The following RPTOR variants were observed in gnomAD, a reference collection of about 807,000 sequenced individuals.
RPTOR encodes regulatory associated protein of MTOR complex 1.
RPTOR carries 21 observed loss-of-function variants against 169.9 expected under a neutral mutation model. That is an observed-to-expected ratio of 0.12 (90% confidence interval 0.09 to 0.18). The LOEUF is 0.18. Among genes scored for constraint, RPTOR ranks in the 10% least tolerant of loss-of-function variants. RPTOR has a pLI of 1.00. For missense variants in RPTOR, 1,133 were observed against 1,855.9 expected, an observed-to-expected ratio of 0.61 and a Z score of 7.16; for synonymous variants, 732 against 753.2, an observed-to-expected ratio of 0.97 and a Z score of 0.46.
In RPTOR at chr17:80,823,021, C is replaced by G. The variant is rs987852154; in HGVS notation, c.992-58C>G. 13 of 1,561,222 alleles carry G rather than the reference C, an allele frequency of 8.3e-6. No individual in the cohort carries two copies. In the African/African-American group the frequency reaches 9.6e-5, roughly 12 times the overall value. ...GATAGAAGTGAATTTGTGTATTTGG[C>G]TTTAAATGCTAGACACAAGTCACTG... On this transcript the variant is annotated intron_variant, in intron 8 of 33. Transcript: ENST00000306801. This position sits in a 1 kb window ranked among gnomAD's most constrained non-coding sequence, Gnocchi z 4.5.
At position 80,907,502 on chromosome 17, in the gene RPTOR, G is replaced by C. The variant is rs145342315; in HGVS notation, c.2402-1309G>C. On this transcript the variant is annotated intron_variant, in intron 20 of 33. Transcript: ENST00000306801. The stretch of plus-strand genomic sequence containing the variant: ...CTTGCTGGACATGCAGCCTCTACCA[G>C]GATTGCTGCTTCCCTTCTCGGCCTC... Among the ~76,000 whole-genome samples the C allele has an allele frequency of 1.0e-3, 153 of 152,376 alleles. 1 individual carries two copies. Among genetic ancestry groups the C allele is most frequent in the Middle Eastern group, 3.4e-3 (1 of 294 alleles).
rs201003662 is a variant in RPTOR at position 80,678,340 on chromosome 17, C to A, written c.349-29501C>A. Among the ~76,000 whole-genome samples, 12 of 152,314 alleles carry A rather than the reference C, an allele frequency of 7.9e-5. No individual in the cohort carries two copies. In the East Asian group the frequency reaches 2.1e-3, roughly 27 times the overall value. Reference sequence around the variant, plus strand: ...CAACCACAGGTTGGGTGTGGTGGCTCATGCCTATAATCCCAGCAGTTTGGG... The same window carrying A: ...CAACCACAGGTTGGGTGTGGTGGCTAATGCCTATAATCCCAGCAGTTTGGG... On this transcript the variant is annotated intron_variant, in intron 3 of 33. Transcript: ENST00000306801.
intron 7 of RPTOR, among the ~76,000 whole-genome samples, chr17:80,821,397 G>A (rs1269958875): frequency 2.0e-5 from 3 of 152,166 alleles, no homozygotes; most frequent in East Asian, 3.8e-4. Context: ...TTTTGACAGC[G>A]GGATCATGCT....
intron 1 of RPTOR, chr17:80,593,609 A>G (rs2065123512): frequency 6.5e-6 from 1 of 153,878 alleles, no homozygotes; most frequent in Non-Finnish European, 1.5e-5. Flanking sequence ...GTGATGCTGG[A>G]TTTTCTTCCT....
Position 80,871,646 on chromosome 17 carries a change from G to T in RPTOR, c.1510-8769G>T, listed in dbSNP as rs908325176. ...TTGCCTAAACTGCTTTATGTCTGTG[G>T]TTAACTTATTCCTTCCTGCAGTTTC... On this transcript the variant is annotated intron_variant, in intron 13 of 33. Coordinates refer to ENST00000306801, the MANE Select transcript of RPTOR (RefSeq NM_020761.3). Among the ~76,000 whole-genome samples the T allele has an allele frequency of 2.0e-5, 3 of 152,142 alleles. No homozygotes were observed. In the East Asian group the frequency reaches 5.8e-4, roughly 29 times the overall value.
intron 1 of RPTOR, among the ~76,000 whole-genome samples, chr17:80,598,331 A>G (rs9891172): frequency 0.27 from 40,346 of 151,992 alleles, 5,561 homozygotes; most frequent in African/African-American, 0.36. Context: ...AATGGCTCTG[A>G]CAACTTATTT....
intron 21 of RPTOR, among the ~76,000 whole-genome samples, chr17:80,910,690 C>T (rs928381430): frequency 1.3e-5 from 2 of 152,128 alleles, no homozygotes; most frequent in Admixed American, 1.3e-4. Context: ...CCTGGCCGGC[C>T]ATCGAGCCAG....
At chr17:80,699,238 C>A (rs2066062564) in intron 3 of RPTOR, among the ~76,000 whole-genome samples, 1 of 152,242 alleles carries the variant, frequency 6.6e-6, no homozygotes, top group African/African-American at 2.4e-5. Context: ...TGTATGTGCA[C>A]AAATATTTAT....
In RPTOR at chr17:80,830,594, T is replaced by C. The variant is rs1239970138; in HGVS notation, c.1137-7328T>C. Among the ~76,000 whole-genome samples the C allele has an allele frequency of 2.0e-5, 3 of 152,180 alleles. No individual in the cohort carries two copies. The South Asian group carries it at 6.2e-4, about 31-fold the overall frequency. ...TGGGCCATCTTGCACGGGCCGCTGC[T>C]GTCCAGTGGCTTCGAAAGGAGTTTG... On this transcript the variant is annotated intron_variant, in intron 9 of 33. Transcript: ENST00000306801.
intron 6 of RPTOR, among the ~76,000 whole-genome samples, chr17:80,789,467 G>A (rs2067025745): frequency 6.6e-6 from 1 of 152,230 alleles, no homozygotes; most frequent in African/African-American, 2.4e-5. Flanking sequence ...GCAAGCAGAT[G>A]TCAAAATCTC....
intron 9 of RPTOR, among the ~76,000 whole-genome samples, chr17:80,835,658 A>T (rs927135630): frequency 2.0e-5 from 3 of 152,228 alleles, no homozygotes; most frequent in Non-Finnish European, 4.4e-5. Context: ...ACTTTGTTTC[A>T]TGCACAAAAT....
intron 1 of RPTOR, among the ~76,000 whole-genome samples, chr17:80,575,285 A>G (rs991258337): frequency 2.0e-5 from 3 of 152,236 alleles, no homozygotes; most frequent in African/African-American, 7.2e-5. Flanking sequence ...ATGAGCCACC[A>G]TGCCTGGCTG....
In RPTOR at chr17:80,845,551, C is replaced by T. The variant is rs970362429; in HGVS notation, c.1213-922C>T. 4.6e-5 allele frequency among the ~76,000 whole-genome samples: 7 copies of T among 152,074 alleles called. No individual in the cohort carries two copies. Among genetic ancestry groups the T allele is most frequent in the African/African-American group, 1.7e-4 (7 of 41,402 alleles). On this transcript the variant is annotated intron_variant, in intron 10 of 33. Coordinates refer to ENST00000306801, the MANE Select transcript of RPTOR (RefSeq NM_020761.3). The surrounding 1 kb of genome is among the most constrained non-coding windows in gnomAD (Gnocchi z 5.4). The stretch of plus-strand genomic sequence containing the variant: ...GGTTCCCCTGGGGAGCAGCCCTGCT[C>T]TGCCAGCCCAGCCTGTGCTTCCAGT...
At position 80,885,137 on chromosome 17, in the gene RPTOR, A is replaced by G. The variant is rs1424793567; in HGVS notation, c.1972A>G (p.Met658Val). 5 of 1,556,714 alleles carry G rather than the reference A, an allele frequency of 3.2e-6. No individual in the cohort carries two copies. Among genetic ancestry groups the G allele is most frequent in the Non-Finnish European group, 3.5e-6 (4 of 1,150,274 alleles). Residue 658 changes from methionine (M) to valine (V), a missense_variant, in exon 17 of 34, where the codon ATG becomes GTG. This residue lies in a region of RPTOR where 150 missense variants were observed against 206.4 expected (regional missense o/e 0.73). Transcript: ENST00000306801. ...CCAGCTGGTCAGCGACGGGAGCCCCATGGTCCGGAAGGTGCGTGAACCCCC... is the reference window on the plus strand; with the variant it reads ...CCAGCTGGTCAGCGACGGGAGCCCCGTGGTCCGGAAGGTGCGTGAACCCCC... ...LAQLVSDGSP[M>V]VRKELVVALS...
At chr17:80,894,892 A>G (rs896720308) in intron 20 of RPTOR, among the ~76,000 whole-genome samples, 2 of 152,216 alleles carry the variant, frequency 1.3e-5, no homozygotes, top group African/African-American at 4.8e-5. Flanking sequence ...CCTGGCACAC[A>G]CGTGGTGCCC....
At chr17:80,963,244 C>G (rs2144106109) in intron 33 of RPTOR, among the ~76,000 whole-genome samples, 187 bp downstream of exon 33, 1 of 152,212 alleles carries the variant, frequency 6.6e-6, no homozygotes. Context: ...TGCACTCGCC[C>G]CGGAAGCAGA....
chr17:80,713,327 T>C (rs1326654225), intron 4 of RPTOR, among the ~76,000 whole-genome samples: 1 of 152,190 alleles, frequency 6.6e-6, no homozygotes, highest in Non-Finnish European at 1.5e-5. Context: ...ATCATAGGCA[T>C]GAGCCACCAC....
At position 80,726,998 on chromosome 17, in the gene RPTOR, A is replaced by G. The variant is rs909904726; in HGVS notation, c.508-3562A>G. On this transcript the variant is annotated intron_variant, in intron 4 of 33. Coordinates refer to ENST00000306801, the MANE Select transcript of RPTOR (RefSeq NM_020761.3). The surrounding 1 kb of genome is among the most constrained non-coding windows in gnomAD (Gnocchi z 4.5). The stretch of plus-strand genomic sequence containing the variant: ...GCAGCCTGCAAGCTCCGGCTCCAGG[A>G]GGAAGCGTGCTCAAGTGCACCTCTG... Among the ~76,000 whole-genome samples the G allele has an allele frequency of 1.3e-5, 2 of 152,138 alleles. No individual in the cohort carries two copies. Among genetic ancestry groups the G allele is most frequent in the African/African-American group, 4.8e-5 (2 of 41,422 alleles).
At chr17:80,799,729 C>A (rs557528895) in intron 7 of RPTOR, among the ~76,000 whole-genome samples, 1 of 149,400 alleles carries the variant, frequency 6.7e-6, no homozygotes, top group Admixed American at 6.6e-5. Context: ...CCCTGGCGGC[C>A]GCCCTGCACA....
Sources: allele counts gnomAD v4.1 joint callset (sites outside exome capture counted in the v4.1 genomes callset), GRCh38; gene constraint gnomAD v4.1.1; regional missense constraint gnomAD v4.1.1; non-coding constraint Gnocchi (gnomAD v3.1); transcripts MANE v1.5; gene names NCBI Gene and HGNC (gene_info 2026-07-23, HGNC 2026-07-21).